CDH23: variants seen among roughly 807,000 people sequenced by gnomAD.
CDH23 encodes cadherin-23.
CDH23 carries 189 observed loss-of-function variants against 317.1 expected under a neutral mutation model. The observed-to-expected ratio is 0.60, with a 90% CI of 0.53 to 0.67. CDH23 has a LOEUF of 0.67. Ranked by LOEUF, CDH23 falls within the 30% of genes least tolerant of loss-of-function variation. The probability of loss-of-function intolerance (pLI) is 0.00; values close to 1 mark genes in which losing one functional copy is unlikely to be tolerated. For missense variants in CDH23, 4,401 were observed against 4,592.4 expected (o/e 0.96, Z 1.20); for synonymous variants, 1,839 against 1,876.8 (o/e 0.98, Z 0.52).
At chr10:71,543,736 G>A (rs1209088596) in intron 6 of CDH23, among the ~76,000 whole-genome samples, 1 of 152,220 alleles carries the variant, frequency 6.6e-6, no homozygotes, top group Non-Finnish European at 1.5e-5. Flanking sequence ...GAGTTCAGGG[G>A]CCAGGGTGGA....
chr10:71,565,364 A>C (rs1362439048), intron 6 of CDH23, among the ~76,000 whole-genome samples: 1 of 152,072 alleles, frequency 6.6e-6, no homozygotes, highest in Non-Finnish European at 1.5e-5. Flanking sequence ...GTAGAGCTGG[A>C]GGGGGTAGAG....
At chr10:71,623,721 C>A (rs566648265) in intron 11 of CDH23, among the ~76,000 whole-genome samples, 1 of 152,192 alleles carries the variant, frequency 6.6e-6, no homozygotes, top group Non-Finnish European at 1.5e-5. Context: ...GGAGAACCCC[C>A]AGTTCCATGA....
rs139675685 is a variant in CDH23, at chr10:71,401,079, A to G, written c.-6+3761A>G. Among the ~76,000 whole-genome samples the G allele has an allele frequency of 9.9e-5, 15 of 152,230 alleles. No homozygotes were observed. The East Asian group carries it at 2.9e-3, about 29-fold the overall frequency. ...TCATTTACAAGTCGAACCCTACTGG[A>G]TAGGTTATTTCAGGGTGGGAGTACT... On this transcript the variant is annotated intron_variant, in intron 1 of 69. Coordinates refer to ENST00000224721, the MANE Select transcript of CDH23 (RefSeq NM_022124.6).
intron 17 of CDH23, among the ~76,000 whole-genome samples, chr10:71,680,977 C>T (rs1359334443): frequency 6.6e-6 from 1 of 150,756 alleles, no homozygotes; most frequent in African/African-American, 2.4e-5. Flanking sequence ...TACAGTCGTG[C>T]CACCACGCCC....
intron 14 of CDH23, among the ~76,000 whole-genome samples, chr10:71,673,214 G>T (rs553108676): frequency 6.6e-6 from 1 of 152,322 alleles, no homozygotes; most frequent in Admixed American, 6.5e-5. Flanking sequence ...ACAGGTGCCT[G>T]CCCTGCCCTC....
At chr10:71,644,809 G>T (rs1862748972) in intron 12 of CDH23, among the ~76,000 whole-genome samples, 1 of 152,250 alleles carries the variant, frequency 6.6e-6, no homozygotes. Flanking sequence ...GAAAGCCAAG[G>T]TCAGTGACCT....
chr10:71,651,602 C>T (rs1221778528), intron 14 of CDH23, among the ~76,000 whole-genome samples: 3 of 151,830 alleles, frequency 2.0e-5, no homozygotes, highest in Non-Finnish European at 2.9e-5. Context: ...GCAAAGGCCC[C>T]GTGGCTGGAG....
At chr10:71,591,250 C>T (rs929269389) in intron 9 of CDH23, among the ~76,000 whole-genome samples, 10 of 152,196 alleles carry the variant, frequency 6.6e-5, no homozygotes, top group African/African-American at 2.2e-4. Context: ...TAAGATGATA[C>T]TCCCAAGGGA....
Position 71,518,822 on chromosome 10 carries a change from T to C in CDH23, c.429+7610T>C, listed in dbSNP as rs117958039. Reference sequence around the variant, plus strand: ...GTCCCACAAAACCAGGGCCCTGAGCTCAGCCCAGCCACACACTCAGAAGCT... The same window carrying C: ...GTCCCACAAAACCAGGGCCCTGAGCCCAGCCCAGCCACACACTCAGAAGCT... On this transcript the variant is annotated intron_variant, in intron 6 of 69. Transcript: ENST00000224721. Among the ~76,000 whole-genome samples the C allele has an allele frequency of 2.9e-3, 447 of 152,252 alleles. 14 individuals carry two copies. The East Asian group carries it at 0.072, about 25-fold the overall frequency.
At chr10:71,746,969 G>T (rs74364237) in intron 38 of CDH23, among the ~76,000 whole-genome samples, 4,182 of 152,232 alleles carry the variant, frequency 0.027, 97 homozygotes, top group East Asian at 0.084. Flanking sequence ...TATTAGACTT[G>T]GACCCTGCTA....
At chr10:71,677,092 A>G (rs925396899) in intron 15 of CDH23, among the ~76,000 whole-genome samples, 2 of 152,136 alleles carry the variant, frequency 1.3e-5, no homozygotes, top group Non-Finnish European at 2.9e-5. Context: ...CATTCCTAGC[A>G]TTCTGGTGCA....
At chr10:71,426,423 G>A (rs1027982625) in intron 1 of CDH23, among the ~76,000 whole-genome samples, 1 of 152,222 alleles carries the variant, frequency 6.6e-6, no homozygotes, top group Non-Finnish European at 1.5e-5. Context: ...GGCAGCCTCT[G>A]TGAGCCTTGT....
Position 71,734,669 on chromosome 10 carries a change from T to A in CDH23, c.4209+11T>A. ...CTCTGCCTACAGAAGGTGAGTAGCC[T>A]GTGGCTGGAGCTTCCCCTGTGCTGT... On this transcript the variant is annotated intron_variant, in intron 34 of 69. Coordinates refer to ENST00000224721, the MANE Select transcript of CDH23 (RefSeq NM_022124.6). 7.0e-7 allele frequency: 1 copy of A among 1,423,984 alleles called. No individual in the cohort carries two copies. Among genetic ancestry groups the A allele is most frequent in the Non-Finnish European group, 9.5e-7 (1 of 1,053,216 alleles). 88.2% of individuals were successfully genotyped at this position (1,423,984 alleles called of 1,614,324 possible).
chr10:71,681,692 T>C (rs572697598), intron 17 of CDH23, among the ~76,000 whole-genome samples: 24 of 152,228 alleles, frequency 1.6e-4, no homozygotes, highest in African/African-American at 5.1e-4. Flanking sequence ...ATCCTAGCAC[T>C]TGGGGAGGCC....
rs868370974 is a variant in CDH23, at chr10:71,708,991, C to T, written c.3107-107C>T. On this transcript the variant is annotated intron_variant, in intron 26 of 69. Transcript: ENST00000224721. Reference sequence around the variant, plus strand: ...GGGCCGAATCAGCAGCACAGCCTCCCACTCCTGGACTCACCATCGCGGGTC... The same window carrying T: ...GGGCCGAATCAGCAGCACAGCCTCCTACTCCTGGACTCACCATCGCGGGTC... 4.2e-5 allele frequency: 41 copies of T among 980,556 alleles called. 1 individual carries two copies. The South Asian group carries it at 5.5e-4, about 13-fold the overall frequency. 60.7% of individuals were successfully genotyped at this position (980,556 alleles called of 1,614,324 possible). A position where few individuals can be genotyped will look rare whatever the true frequency, so the allele number is the denominator to read the frequency against.
chr10:71,690,444 GC>G, intron 19 of CDH23, 23 bp from the exon 20 acceptor site: 1 of 1,548,172 alleles, frequency 6.5e-7, no homozygotes, highest in Non-Finnish European at 8.8e-7. Context: ...AGCACCCCCT[GC>G]CCCCACCTTT....
chr10:71,666,590 A>C (rs1010123173), intron 14 of CDH23, among the ~76,000 whole-genome samples: 2 of 151,396 alleles, frequency 1.3e-5, no homozygotes, highest in South Asian at 2.1e-4. Flanking sequence ...GGGAAAATCA[A>C]GGCTCCAAGC....
intron 33 of CDH23, 146 bp downstream of exon 33, chr10:71,734,487 C>A: frequency 6.5e-7 from 1 of 1,539,938 alleles, no homozygotes; most frequent in South Asian, 1.2e-5. Context: ...CATGTCCAGC[C>A]ATGCCACACC....
chr10:71,751,100 G>C lies in CDH23; in HGVS notation c.4845+9179G>C. 1.1e-6 allele frequency: 1 copy of C among 915,016 alleles called. No individual in the cohort carries two copies. Among genetic ancestry groups the C allele is most frequent in the Non-Finnish European group, 1.6e-6 (1 of 611,780 alleles). The allele number at this position is 915,016 out of a possible 1,614,324, so 56.7% of individuals were successfully genotyped here. A position where few individuals can be genotyped will look rare whatever the true frequency, so the allele number is the denominator to read the frequency against. ...CCCATGTAGCATCCAGAGGGGTTGA[G>C]GGGCTGGGCTTCTGGGATGTCACAG... On this transcript the variant is annotated intron_variant, in intron 38 of 69. Coordinates refer to ENST00000224721, the MANE Select transcript of CDH23 (RefSeq NM_022124.6). The surrounding 1 kb of genome is among the most constrained non-coding windows in gnomAD (Gnocchi z 4.9).
Sources: allele counts gnomAD v4.1 joint callset (sites outside exome capture counted in the v4.1 genomes callset), GRCh38; gene constraint gnomAD v4.1.1; non-coding constraint Gnocchi (gnomAD v3.1); transcripts MANE v1.5; gene names NCBI Gene and HGNC (gene_info 2026-07-23, HGNC 2026-07-21).